PCSK5: variants seen among roughly 807,000 people sequenced by gnomAD.
The protein encoded by PCSK5 is prohormone convertase 5.
A neutral mutation model predicts 233.2 loss-of-function variants in PCSK5; 129 were observed. The ratio of observed to expected loss-of-function variants is 0.55; its 90% CI spans 0.48 to 0.64. The LOEUF (loss-of-function observed/expected upper bound fraction) is 0.64, where lower values mean the gene tolerates loss of function less well. PCSK5 is among the 30% of genes least tolerant of loss of function. PCSK5 has a pLI of 0.00. For synonymous variants in PCSK5, 825 were observed against 879.2 expected (o/e 0.94, Z 1.09); for missense variants, 2,076 against 2,430.1 (o/e 0.85, Z 3.06).
At chr9:76,302,946 G>A (rs906846215) in intron 28 of PCSK5, among the ~76,000 whole-genome samples, 2 of 147,148 alleles carry the variant, frequency 1.4e-5, no homozygotes, top group African/African-American at 5.0e-5. Flanking sequence ...GCACTTTCTG[G>A]GTCAAAGTGG....
intron 9 of PCSK5, among the ~76,000 whole-genome samples, chr9:76,128,991 CG>C (rs1176989623): frequency 1.3e-5 from 2 of 152,172 alleles, no homozygotes; most frequent in Non-Finnish European, 2.9e-5. Flanking sequence ...ATGATCCTTT[CG>C]GGCTCTTCAT....
intron 24 of PCSK5, among the ~76,000 whole-genome samples, chr9:76,263,714 C>G (rs1223830857): frequency 6.6e-6 from 1 of 151,534 alleles, no homozygotes. Context: ...ACCAGCATGG[C>G]ACATGTATAC....
In PCSK5 at chr9:76,160,878, A is replaced by G. The variant is rs576383986; in HGVS notation, c.1619+1707A>G. Reference sequence around the variant, plus strand: ...ATCCTCCACCTCCTGGGTTCAAGCAATTCTCCTGCCTGAGCCTCTCCAGTA... The same window carrying G: ...ATCCTCCACCTCCTGGGTTCAAGCAGTTCTCCTGCCTGAGCCTCTCCAGTA... On this transcript the variant is annotated intron_variant, in intron 12 of 37. Transcript: ENST00000674117. Among the ~76,000 whole-genome samples, 5 of 152,072 alleles carry G rather than the reference A, an allele frequency of 3.3e-5. No homozygotes were observed. The East Asian group carries it at 7.7e-4, about 24-fold the overall frequency.
At chr9:76,031,176 A>G (rs376100917) in intron 5 of PCSK5, among the ~76,000 whole-genome samples, 1 of 152,158 alleles carries the variant, frequency 6.6e-6, no homozygotes, top group African/African-American at 2.4e-5. Context: ...TCATTAGACC[A>G]TAATAATGGA....
intron 7 of PCSK5, among the ~76,000 whole-genome samples, chr9:76,081,494 A>C (rs1321803985): frequency 6.6e-6 from 1 of 151,986 alleles, no homozygotes; most frequent in Non-Finnish European, 1.5e-5. Context: ...CAAATAAATA[A>C]ATAAATAAAT....
At chr9:76,357,345 C>T (rs143592947) in intron 37 of PCSK5, among the ~76,000 whole-genome samples, 5,296 of 152,088 alleles carry the variant, frequency 0.035, 139 homozygotes, top group Middle Eastern at 0.12. Flanking sequence ...GGTGAAACCC[C>T]ATCTCTACTA....
At chr9:75,997,031 A>G (rs970745501) in intron 3 of PCSK5, among the ~76,000 whole-genome samples, 12 of 152,154 alleles carry the variant, frequency 7.9e-5, no homozygotes, top group Non-Finnish European at 1.5e-4. Flanking sequence ...TGTAGTGATC[A>G]GGGCACATTT....
Position 75,911,308 on chromosome 9 carries a change from T to C in PCSK5, c.192+19935T>C, listed in dbSNP as rs74752714. ...AATTCTGAAAAGGCAAAGGTTATAG[T>C]GAACCCAGCAAGTCTTTCTCCCACT... On this transcript the variant is annotated intron_variant, in intron 1 of 37. Coordinates refer to ENST00000674117, the MANE Select transcript of PCSK5 (RefSeq NM_001372043.1). Among the ~76,000 whole-genome samples, 1,332 of 144,984 alleles carry C rather than the reference T, an allele frequency of 9.2e-3. 16 individuals carry two copies. The highest frequency in any genetic ancestry group is 0.024 in the African/African-American group (925 of 38,538).
chr9:76,111,262 G>A (rs903038157), intron 9 of PCSK5, among the ~76,000 whole-genome samples: 260 of 152,288 alleles, frequency 1.7e-3, no homozygotes, highest in African/African-American at 6.1e-3. Context: ...GAATGAAATT[G>A]TTCTGCTCCC....
chr9:76,225,104 T>C (rs1313038351), intron 20 of PCSK5, among the ~76,000 whole-genome samples: 1 of 152,238 alleles, frequency 6.6e-6, no homozygotes, highest in African/African-American at 2.4e-5. Flanking sequence ...CCTCTGGGTC[T>C]AGCAGAGTCC....
chr9:76,239,961 C>A (rs1338258937), intron 23 of PCSK5, among the ~76,000 whole-genome samples: 1 of 152,030 alleles, frequency 6.6e-6, no homozygotes, highest in Non-Finnish European at 1.5e-5. Context: ...TGAGGACCAG[C>A]CTAAAACCAC....
At chr9:76,017,495 G>T (rs1827998185) in intron 3 of PCSK5, among the ~76,000 whole-genome samples, 1 of 152,142 alleles carries the variant, frequency 6.6e-6, no homozygotes, top group African/African-American at 2.4e-5. Context: ...AATTATCTGT[G>T]TTCAAACTAC....
intron 9 of PCSK5, among the ~76,000 whole-genome samples, chr9:76,112,065 A>G (rs918375137): frequency 6.6e-6 from 1 of 152,228 alleles, no homozygotes; most frequent in African/African-American, 2.4e-5. Flanking sequence ...AATATTTCAT[A>G]TGTAACAATA....
At chr9:75,988,283 C>G (rs534869360) in intron 3 of PCSK5, among the ~76,000 whole-genome samples, 10 of 150,820 alleles carry the variant, frequency 6.6e-5, no homozygotes, top group African/African-American at 2.4e-4. Flanking sequence ...TTTCTTTTTT[C>G]TTTTCTTTTC....
Position 76,099,251 on chromosome 9 carries a change from A to G in PCSK5, c.1107+3149A>G, listed in dbSNP as rs774242841. 7.4e-4 allele frequency among the ~76,000 whole-genome samples: 113 copies of G among 152,296 alleles called. No homozygotes were observed. The Middle Eastern group carries it at 0.01, about 14-fold the overall frequency. ...TTGGAAGCTGTTTATATTAGTCTCT[A>G]GCTTCAGAGAGACCACTCAGTGGAT... is the stretch of plus-strand genomic sequence containing the variant. On this transcript the variant is annotated intron_variant, in intron 8 of 37. Transcript: ENST00000674117.
intron 20 of PCSK5, 59 bp from the exon 21 acceptor site, chr9:76,227,444 A>G: frequency 8.2e-7 from 1 of 1,219,410 alleles, no homozygotes; most frequent in Non-Finnish European, 1.2e-6. Context: ...TCTCAGACTG[A>G]CAGCCCAGGC....
chr9:75,994,400 CTTTTTTTTTTTTTTTTTTTTTTTTTT>C (rs550518074), intron 3 of PCSK5, among the ~76,000 whole-genome samples: 25 of 82,046 alleles, frequency 3.0e-4, no homozygotes, highest in Admixed American at 1.1e-3. Flanking sequence ...TTCTTTCTTT[CTTTTTTTTTTTTTTTTTTTTTTTTTT>C]TTTTTTTTTT....
At chr9:76,034,105 C>T (rs1828755676) in intron 5 of PCSK5, among the ~76,000 whole-genome samples, 2 of 152,100 alleles carry the variant, frequency 1.3e-5, no homozygotes, top group Admixed American at 6.5e-5. Context: ...AGTGGCCTCC[C>T]ACGGAAAATT....
intron 3 of PCSK5, among the ~76,000 whole-genome samples, chr9:75,996,060 G>C (rs2131415597): frequency 6.6e-6 from 1 of 152,076 alleles, no homozygotes; most frequent in East Asian, 1.9e-4. Flanking sequence ...GACTGAGCTG[G>C]AATAATAGCA....
Sources: allele counts gnomAD v4.1 joint callset (sites outside exome capture counted in the v4.1 genomes callset), GRCh38; gene constraint gnomAD v4.1.1; transcripts MANE v1.5; gene names NCBI Gene and HGNC (gene_info 2026-07-23, HGNC 2026-07-21).